NSMCE2: variants seen among roughly 807,000 people sequenced by gnomAD.
NSMCE2 encodes NSE2 SUMO ligase component of SMC5/6 complex, also known as E3 SUMO-protein ligase NSE2.
Under a neutral mutation model 23.8 loss-of-function variants are expected in NSMCE2, and 24 were observed. The observed-to-expected ratio is 1.01, with a 90% CI of 0.73 to 1.42. The LOEUF (loss-of-function observed/expected upper bound fraction) is 1.42, where lower values mean the gene tolerates loss of function less well. Among genes scored for constraint, NSMCE2 ranks in the 40% most tolerant of loss-of-function variants. The pLI, the probability that NSMCE2 is intolerant of heterozygous loss-of-function variation, is 0.00. For missense variants in NSMCE2, 284 were observed against 296.5 expected (o/e 0.96, Z 0.31); for synonymous variants, 92 against 94.1 (o/e 0.98, Z 0.13).
chr8:125,113,015 A>G (rs74785124), intron 3 of NSMCE2, among the ~76,000 whole-genome samples: 11,623 of 144,400 alleles, frequency 0.08, 544 homozygotes, highest in Middle Eastern at 0.28. Context: ...AATTTTTGTC[A>G]ATTAAAAATA....
intron 5 of NSMCE2, among the ~76,000 whole-genome samples, chr8:125,289,618 G>A (rs943399982): frequency 6.6e-6 from 1 of 152,174 alleles, no homozygotes; most frequent in Non-Finnish European, 1.5e-5. Context: ...CATTTTCAGT[G>A]TCTGACATGG....
intron 5 of NSMCE2, among the ~76,000 whole-genome samples, chr8:125,241,367 A>G (rs35201440): frequency 7.2e-5 from 11 of 152,374 alleles, no homozygotes; most frequent in African/African-American, 2.6e-4. Flanking sequence ...AATCAAATAT[A>G]CAATTATAAT....
chr8:125,093,835 C>T (rs933785682), intron 1 of NSMCE2, among the ~76,000 whole-genome samples: 2 of 152,176 alleles, frequency 1.3e-5, no homozygotes, highest in East Asian at 1.9e-4. Flanking sequence ...TCACTCTTAT[C>T]GTCCAGGCTA....
chr8:125,153,043 C>CAA (rs2130689402), intron 4 of NSMCE2, among the ~76,000 whole-genome samples: 1 of 115,870 alleles, frequency 8.6e-6, no homozygotes, highest in Non-Finnish European at 1.6e-5. Context: ...GGCGACAGAG[C>CAA]GAGACTCCGT....
intron 5 of NSMCE2, among the ~76,000 whole-genome samples, chr8:125,259,684 C>T (rs1335952076): frequency 6.6e-6 from 1 of 152,068 alleles, no homozygotes; most frequent in Non-Finnish European, 1.5e-5. Context: ...TTGCAGTACC[C>T]ACAAATTTAA....
At chr8:125,328,002 A>G (rs1829739699) in intron 5 of NSMCE2, among the ~76,000 whole-genome samples, 1 of 152,216 alleles carries the variant, frequency 6.6e-6, no homozygotes, top group Non-Finnish European at 1.5e-5. Flanking sequence ...TATCATAATT[A>G]TGGGTGAGGT....
chr8:125,107,162 T>C (rs2130395435), intron 3 of NSMCE2, among the ~76,000 whole-genome samples: 1 of 151,832 alleles, frequency 6.6e-6, no homozygotes, highest in Non-Finnish European at 1.5e-5. Context: ...AATTGTTCTA[T>C]ATTGTACTGT....
At chr8:125,105,358 A>T (rs1378952136) in intron 3 of NSMCE2, among the ~76,000 whole-genome samples, 1 of 152,186 alleles carries the variant, frequency 6.6e-6, no homozygotes, top group African/African-American at 2.4e-5. Flanking sequence ...AGTCATAATA[A>T]AATCTTAAAC....
chr8:125,356,326 GTTTTTT>G (rs747884264), intron 5 of NSMCE2, among the ~76,000 whole-genome samples: 1 of 105,434 alleles, frequency 9.5e-6, no homozygotes, highest in Non-Finnish European at 1.8e-5. Flanking sequence ...TAATTTTTTG[GTTTTTT>G]TTTTTTTTTT....
intron 3 of NSMCE2, among the ~76,000 whole-genome samples, chr8:125,139,995 T>C (rs1236662689): frequency 3.3e-5 from 5 of 152,188 alleles, no homozygotes; most frequent in Non-Finnish European, 5.9e-5. Context: ...ATTTCTGTAG[T>C]CCTTTTTAAA....
At chr8:125,304,807 G>C (rs1828689691) in intron 5 of NSMCE2, among the ~76,000 whole-genome samples, 1 of 149,944 alleles carries the variant, frequency 6.7e-6, no homozygotes. Context: ...AGAATCGCTT[G>C]AACCCTGGAG....
At chr8:125,197,008 A>G (rs1823655238) in intron 5 of NSMCE2, among the ~76,000 whole-genome samples, 1 of 152,114 alleles carries the variant, frequency 6.6e-6, no homozygotes, top group Non-Finnish European at 1.5e-5. Context: ...TCTTTTGGGA[A>G]GTGTCTGTTC....
intron 5 of NSMCE2, among the ~76,000 whole-genome samples, chr8:125,303,215 A>C (rs900598838): frequency 1.7e-4 from 26 of 152,030 alleles, no homozygotes; most frequent in African/African-American, 5.1e-4. Context: ...TTCAGCTTTG[A>C]CTCAGGAGAG....
intron 5 of NSMCE2, among the ~76,000 whole-genome samples, chr8:125,241,591 AC>A: frequency 6.6e-6 from 1 of 152,374 alleles, no homozygotes; most frequent in East Asian, 1.9e-4. Flanking sequence ...AAAGGACCTT[AC>A]ATTGAAGGTT....
chr8:125,316,781 CTT>C (rs1829225926), intron 5 of NSMCE2, among the ~76,000 whole-genome samples: 1 of 97,094 alleles, frequency 1.0e-5, no homozygotes. Context: ...CTCTCTCTCT[CTT>C]TCTTTCTTTC....
intron 5 of NSMCE2, among the ~76,000 whole-genome samples, chr8:125,255,227 A>G (rs1048672444): frequency 6.6e-6 from 1 of 152,160 alleles, no homozygotes; most frequent in African/African-American, 2.4e-5. Flanking sequence ...AACAGAGACA[A>G]GTCATCAGTC....
chr8:125,325,600 G>C (rs1344262938), intron 5 of NSMCE2, among the ~76,000 whole-genome samples: 1 of 152,152 alleles, frequency 6.6e-6, no homozygotes, highest in African/African-American at 2.4e-5. Context: ...GCCCGCCTCA[G>C]ACTACCAAAA....
At chr8:125,099,217 C>CT (rs1484531960) in intron 1 of NSMCE2, among the ~76,000 whole-genome samples, 1 of 152,028 alleles carries the variant, frequency 6.6e-6, no homozygotes, top group African/African-American at 2.4e-5. Context: ...CAATACCTGC[C>CT]TTGAGGAAAG....
chr8:125,201,710 C>CT (rs1006313355), intron 5 of NSMCE2, among the ~76,000 whole-genome samples: 1 of 152,228 alleles, frequency 6.6e-6, no homozygotes, highest in African/African-American at 2.4e-5. Context: ...GCTGAGAGAA[C>CT]CACTGCTCTC....
Sources: allele counts gnomAD v4.1 joint callset (sites outside exome capture counted in the v4.1 genomes callset), GRCh38; gene constraint gnomAD v4.1.1; transcripts MANE v1.5; gene names NCBI Gene and HGNC (gene_info 2026-07-23, HGNC 2026-07-21).